Variants in AHCYL2 observed in about 807,000 individuals in gnomAD.
The protein encoded by AHCYL2 is S-adenosylhomocysteine hydrolase-like protein 2.
AHCYL2 carries 28 observed loss-of-function variants against 81.4 expected under a neutral mutation model. That is an observed-to-expected ratio of 0.34 (90% CI 0.25 to 0.47). The LOEUF (loss-of-function observed/expected upper bound fraction) is 0.47, where lower values mean the gene tolerates loss of function less well. AHCYL2 is among the 20% of genes least tolerant of loss of function. The pLI is 1.00. For missense variants in AHCYL2, 551 were observed against 785.1 expected (o/e 0.70, Z 3.56); for synonymous variants, 272 against 290.2 (o/e 0.94, Z 0.64).
chr7:129,235,628 G>A (rs1012069590), intron 1 of AHCYL2, among the ~76,000 whole-genome samples: 1 of 152,080 alleles, frequency 6.6e-6, no homozygotes, highest in Non-Finnish European at 1.5e-5. Context: ...TCGCCATATT[G>A]CCCAGGCTGG....
chr7:129,260,045 C>T (rs1795568474), intron 1 of AHCYL2, among the ~76,000 whole-genome samples: 1 of 148,388 alleles, frequency 6.7e-6, no homozygotes, highest in South Asian at 2.1e-4. Context: ...CTTTGCCCTC[C>T]AGCCTGGGCA....
chr7:129,276,976 G>C (rs118172045), intron 1 of AHCYL2, among the ~76,000 whole-genome samples: 33 of 152,116 alleles, frequency 2.2e-4, no homozygotes, highest in Non-Finnish European at 4.3e-4. Context: ...GTACAGCTTA[G>C]ATAAAAAGAA....
Position 129,256,558 on chromosome 7 carries a change from C to CG in AHCYL2, c.363+31119_363+31120insG, listed in dbSNP as rs1336884399. On this transcript the variant is annotated intron_variant, in intron 1 of 16. Transcript: ENST00000325006. ...CCGCCCCCCACCCCCCACCCCCCCCCCGCCTTAATCTATCTTGTAGCTGCT... is the reference window on the plus strand; with the variant it reads ...CCGCCCCCCACCCCCCACCCCCCCCCGCGCCTTAATCTATCTTGTAGCTGCT... 8.0e-5 allele frequency among the ~76,000 whole-genome samples: 11 copies of CG among 137,498 alleles called. 1 individual carries two copies. In the East Asian group the frequency reaches 2.4e-3, roughly 30 times the overall value. The allele number at this position is 137,498 out of a possible 152,430, so 90.2% of individuals were successfully genotyped here. A position where few individuals can be genotyped will look rare whatever the true frequency, so the allele number is the denominator to read the frequency against.
chr7:129,322,222 C>G (rs577219494), intron 1 of AHCYL2, among the ~76,000 whole-genome samples: 1 of 152,256 alleles, frequency 6.6e-6, no homozygotes, highest in South Asian at 2.1e-4. Flanking sequence ...TCACTGCAAC[C>G]TCTTCCTCCT....
At chr7:129,355,898 A>T (rs889333621) in intron 1 of AHCYL2, among the ~76,000 whole-genome samples, 1 of 152,224 alleles carries the variant, frequency 6.6e-6, no homozygotes. Context: ...AGGTAAAGAA[A>T]GCATTTTGGA....
At chr7:129,231,115 C>T (rs562508736) in intron 1 of AHCYL2, among the ~76,000 whole-genome samples, 7 of 152,114 alleles carry the variant, frequency 4.6e-5, no homozygotes, top group Middle Eastern at 3.4e-3. Flanking sequence ...TCCTACAGTT[C>T]CAGCTACTCA....
chr7:129,419,898 G>T lies in AHCYL2; in HGVS notation c.1462-2942G>T, dbSNP rs536951915. ...CCCGGTAGGTTGTTTAGTGATTATA[G>T]GTCCACAGCAAAGACAACTGGATGT... On this transcript the variant is annotated intron_variant, in intron 12 of 16. Transcript: ENST00000325006. The surrounding 1 kb of genome is among the most constrained non-coding windows in gnomAD (Gnocchi z 4.7). 3.1e-4 allele frequency among the ~76,000 whole-genome samples: 47 copies of T among 152,248 alleles called. No homozygotes were observed. The South Asian group carries it at 9.5e-3, about 31-fold the overall frequency.
intron 1 of AHCYL2, among the ~76,000 whole-genome samples, chr7:129,322,294 C>G (rs961937721): frequency 6.6e-6 from 1 of 151,738 alleles, no homozygotes; most frequent in Non-Finnish European, 1.5e-5. Flanking sequence ...TGCCTGCCAC[C>G]ATGTCTGGCT....
intron 1 of AHCYL2, among the ~76,000 whole-genome samples, chr7:129,357,675 C>T (rs1166613240): frequency 6.6e-6 from 1 of 152,186 alleles, no homozygotes; most frequent in Non-Finnish European, 1.5e-5. Flanking sequence ...TGGCTCACGC[C>T]TGTAATCCCA....
At chr7:129,413,051 G>A (rs1351407072) in intron 11 of AHCYL2, among the ~76,000 whole-genome samples, 2 of 151,436 alleles carry the variant, frequency 1.3e-5, no homozygotes, top group Non-Finnish European at 2.9e-5. Context: ...ATGTTGCCCA[G>A]GCTGGTCTCA....
intron 1 of AHCYL2, among the ~76,000 whole-genome samples, chr7:129,291,354 TATC>T (rs1397361764): frequency 2.6e-5 from 4 of 152,196 alleles, no homozygotes; most frequent in Admixed American, 6.5e-5. Flanking sequence ...GTAGGATTAT[TATC>T]ATCGTCTCCT....
chr7:129,299,452 GGCGCGAT>G (rs1797181360), intron 1 of AHCYL2, among the ~76,000 whole-genome samples: 1 of 128,144 alleles, frequency 7.8e-6, no homozygotes, highest in Admixed American at 9.6e-5. Flanking sequence ...GGAGTGCAGT[GGCGCGAT>G]CTCGGCTCAC....
Position 129,400,375 on chromosome 7 carries a change from G to A in AHCYL2, c.909G>A (p.Gln303=), listed in dbSNP as rs1795972319. 1.2e-6 allele frequency: 2 copies of A among 1,612,802 alleles called. No individual in the cohort carries two copies. The highest frequency in any genetic ancestry group is 2.2e-5 in the East Asian group (1 of 44,856). ...GATGTGTGAATGTGGAGGGCTGGCA[G>A]CCAAACATGGTGGGTCAGATTTCTG... The part of the protein sequence containing the change: ...IDRCVNVEGW[Q]PNMILDDGGD... The change falls in exon 6 of 17, where the codon CAG becomes CAA. Residue 303 remains glutamine, a synonymous_variant. Transcript: ENST00000325006.
intron 4 of AHCYL2, among the ~76,000 whole-genome samples, chr7:129,392,261 G>T (rs1795506086): frequency 6.6e-6 from 1 of 151,984 alleles, no homozygotes; most frequent in African/African-American, 2.4e-5. Context: ...GTTCATTTGG[G>T]CTGCTATAAC....
At chr7:129,290,110 A>G (rs907386967) in intron 1 of AHCYL2, among the ~76,000 whole-genome samples, 34 of 152,072 alleles carry the variant, frequency 2.2e-4, no homozygotes, top group African/African-American at 8.2e-4. Context: ...CAGCTTGATG[A>G]TGAGGACGTG....
At chr7:129,392,480 G>T (rs1795516207) in intron 4 of AHCYL2, among the ~76,000 whole-genome samples, 1 of 152,176 alleles carries the variant, frequency 6.6e-6, no homozygotes, top group African/African-American at 2.4e-5. Context: ...AATCCCATTT[G>T]TGAGGGCAGA....
At chr7:129,394,562 C>T (rs1795632856) in intron 4 of AHCYL2, among the ~76,000 whole-genome samples, 1 of 151,026 alleles carries the variant, frequency 6.6e-6, no homozygotes, top group Non-Finnish European at 1.5e-5. Flanking sequence ...ATTCTCCTGC[C>T]TCAGCCTCCC....
At chr7:129,415,020 G>A (rs932909675) in intron 12 of AHCYL2, among the ~76,000 whole-genome samples, 1 of 152,146 alleles carries the variant, frequency 6.6e-6, no homozygotes, top group African/African-American at 2.4e-5. Context: ...ACCTACCAAA[G>A]CCCCTTTCTA....
intron 1 of AHCYL2, among the ~76,000 whole-genome samples, chr7:129,231,610 A>T (rs140902881): frequency 5.7e-4 from 87 of 152,314 alleles, no homozygotes; most frequent in African/African-American, 2.0e-3. Context: ...CCCTGCTGTC[A>T]TGTTTAGGTG....
Sources: allele counts gnomAD v4.1 joint callset (sites outside exome capture counted in the v4.1 genomes callset), GRCh38; gene constraint gnomAD v4.1.1; non-coding constraint Gnocchi (gnomAD v3.1); transcripts MANE v1.5; gene names NCBI Gene and HGNC (gene_info 2026-07-23, HGNC 2026-07-21).